Variants in FYB1 observed in about 807,000 individuals in gnomAD.
FYB1 encodes FYN-binding protein 1.
Under a neutral mutation model 94.1 loss-of-function variants are expected in FYB1, and 41 were observed. The observed-to-expected ratio is 0.44, with a 90% CI of 0.34 to 0.57. The LOEUF is 0.57. Ranked by LOEUF, FYB1 falls within the 20% of genes least tolerant of loss-of-function variation. FYB1 has a pLI of 0.02. For synonymous variants in FYB1, 367 were observed against 353.2 expected, an observed-to-expected ratio of 1.04 and a Z score of -0.44; for missense variants, 1,050 against 976.8, an observed-to-expected ratio of 1.07 and a Z score of -1.00.
At position 39,130,678 on chromosome 5, in the gene FYB1, C is replaced by T. The variant is rs1741112920; in HGVS notation, c.1818-66G>A. ...TACTTAGCTATGAGGAAGAGAAGTA[C>T]ATATCCTGATTAGTTATTCAAAAGA... On this transcript the variant is annotated intron_variant, in intron 9 of 18. Coordinates refer to ENST00000512982, the MANE Select transcript of FYB1 (RefSeq NM_001465.6). The T allele has an allele frequency of 7.5e-6, 9 of 1,201,864 alleles. No individual in the cohort carries two copies. In the East Asian group the frequency reaches 1.3e-4, roughly 17 times the overall value. The allele number at this position is 1,201,864 out of a possible 1,614,324, so 74.4% of individuals were successfully genotyped here. A position where few individuals can be genotyped will look rare whatever the true frequency, so the allele number is the denominator to read the frequency against.
intron 1 of FYB1, among the ~76,000 whole-genome samples, chr5:39,241,409 A>C (rs1440751954): frequency 6.6e-6 from 1 of 152,110 alleles, no homozygotes; most frequent in Non-Finnish European, 1.5e-5. Context: ...AGGGGGACAT[A>C]AGCTTCAGTT....
chr5:39,156,150 T>C (rs1201035981), intron 2 of FYB1, among the ~76,000 whole-genome samples: 2 of 152,140 alleles, frequency 1.3e-5, no homozygotes, highest in Admixed American at 1.3e-4. Flanking sequence ...GTTATAGAAA[T>C]GGTGTAGGGA....
upstream of FYB1, among the ~76,000 whole-genome samples, chr5:39,221,578 A>G (rs1480331388): frequency 1.3e-5 from 2 of 152,224 alleles, no homozygotes; most frequent in Non-Finnish European, 2.9e-5. Context: ...GGGGCAGAAG[A>G]GTTGAGGAAG....
In FYB1 at chr5:39,202,810, G is replaced by A. The variant is rs200817771; in HGVS notation, c.151C>T (p.Pro51Ser). ...NQGNASPPAG[P>S]SNVPKFGSPK... is the part of the protein sequence containing the mutation. ...GACCCAAACTTAGGTACATTGCTGG[G>A]TCCTGCAGGAGGGCTGGCATTTCCT... The change falls in exon 2 of 19, where the codon CCC (proline) becomes TCC (serine). Residue 51 changes from proline to serine, a missense_variant. Coordinates refer to ENST00000512982, the MANE Select transcript of FYB1 (RefSeq NM_001465.6). 2.9e-5 allele frequency: 46 copies of A among 1,613,990 alleles called. No homozygotes were observed. The African/African-American group carries it at 5.9e-4, about 21-fold the overall frequency.
intron 1 of FYB1, among the ~76,000 whole-genome samples, chr5:39,211,618 T>C (rs1175512963): frequency 6.6e-6 from 1 of 152,214 alleles, no homozygotes; most frequent in African/African-American, 2.4e-5. Context: ...CTATTTCTTA[T>C]GGTTGTTCTA....
Position 39,138,001 on chromosome 5 carries a change from C to A in FYB1, c.1395-281G>T, listed in dbSNP as rs368733128. On this transcript the variant is annotated intron_variant, in intron 6 of 18. Coordinates refer to ENST00000512982, the MANE Select transcript of FYB1 (RefSeq NM_001465.6). ...AGAGGCCCCATTCTTGCTGTATGTTCGCATAAATAGAATCCATCTCTTTTT... is the reference window on the plus strand; with the variant it reads ...AGAGGCCCCATTCTTGCTGTATGTTAGCATAAATAGAATCCATCTCTTTTT... The A allele has an allele frequency of 3.5e-3, 1,419 of 409,642 alleles. 25 individuals are homozygous for A. Among genetic ancestry groups the A allele is most frequent in the South Asian group, 0.022 (851 of 39,488 alleles). The allele number at this position is 409,642 out of a possible 1,614,324, so 25.4% of individuals were successfully genotyped here. A position where few individuals can be genotyped will look rare whatever the true frequency, so the allele number is the denominator to read the frequency against.
chr5:39,179,868 C>T (rs973556836), intron 2 of FYB1, among the ~76,000 whole-genome samples: 7 of 152,154 alleles, frequency 4.6e-5, no homozygotes, highest in African/African-American at 1.7e-4. Context: ...ATCCTCTTCC[C>T]TCACTTGCCT....
rs772894906 is a variant in FYB1 at position 39,119,554 on chromosome 5, T to G, written c.2219A>C (p.Asp740Ala). The change falls in exon 15 of 19, where the codon GAC (aspartate) becomes GCC (alanine). Residue 740 changes from aspartate (D) to alanine (A), a missense_variant. Transcript: ENST00000512982. Reference protein sequence around the residue: ...KLKKQEKEEKDFRKKFKYDGE... With the variant: ...KLKKQEKEEKAFRKKFKYDGE... ...ACATACTTTAAATTTTTTCCTGAAGTCTTTTTCTTCTTTTTCCTGCTTTTT... is the reference window on the plus strand; with the variant it reads ...ACATACTTTAAATTTTTTCCTGAAGGCTTTTTCTTCTTTTTCCTGCTTTTT... The G allele has an allele frequency of 6.5e-7, 1 of 1,543,052 alleles. No homozygotes were observed. The highest frequency in any genetic ancestry group is 8.7e-7 in the Non-Finnish European group (1 of 1,143,672).
At chr5:39,254,043 C>T (rs781677230) in intron 1 of FYB1, among the ~76,000 whole-genome samples, 2 of 152,120 alleles carry the variant, frequency 1.3e-5, no homozygotes, top group Non-Finnish European at 2.9e-5. Flanking sequence ...TTTATGGCTC[C>T]GTAGTAGTTC....
intron 1 of FYB1, among the ~76,000 whole-genome samples, chr5:39,226,803 A>G (rs934011991): frequency 6.6e-6 from 1 of 152,210 alleles, no homozygotes; most frequent in Non-Finnish European, 1.5e-5. Context: ...GCAAACTGCT[A>G]TTGTAACTAG....
At chr5:39,207,227 A>T (rs1748940599) in intron 1 of FYB1, among the ~76,000 whole-genome samples, 1 of 152,208 alleles carries the variant, frequency 6.6e-6, no homozygotes, top group South Asian at 2.1e-4. Context: ...GCAATTTGTT[A>T]TTATTTCTAC....
At chr5:39,123,859 A>G (rs1740365092) in intron 13 of FYB1, among the ~76,000 whole-genome samples, 2 of 152,210 alleles carry the variant, frequency 1.3e-5, no homozygotes, top group African/African-American at 4.8e-5. Flanking sequence ...CCATTTAAAT[A>G]TTCAAAGAAA....
At chr5:39,201,337 A>G (rs1460718799) in intron 2 of FYB1, among the ~76,000 whole-genome samples, 2 of 152,148 alleles carry the variant, frequency 1.3e-5, no homozygotes, top group African/African-American at 4.8e-5. Context: ...TCTACTCACT[A>G]GAGGCCAGTA....
At chr5:39,153,690 A>G in intron 2 of FYB1, 86 bp from the exon 3 acceptor site, 1 of 1,366,772 alleles carries the variant, frequency 7.3e-7, no homozygotes, top group South Asian at 1.4e-5. Context: ...GGCTACAGAT[A>G]AAATAATTTG....
At chr5:39,263,102 A>G (rs1752293284) in intron 1 of FYB1, among the ~76,000 whole-genome samples, 2 of 152,180 alleles carry the variant, frequency 1.3e-5, no homozygotes, top group Non-Finnish European at 2.9e-5. Context: ...ATAATAATTT[A>G]AAAAGAGAAG....
At chr5:39,224,613 C>T (rs1750396131) in intron 1 of FYB1, among the ~76,000 whole-genome samples, 1 of 152,156 alleles carries the variant, frequency 6.6e-6, no homozygotes, top group Admixed American at 6.5e-5. Context: ...TGCCCAAACA[C>T]ATTAGGATGA....
intron 1 of FYB1, among the ~76,000 whole-genome samples, chr5:39,257,309 T>C (rs1447736617): frequency 6.6e-6 from 1 of 152,178 alleles, no homozygotes; most frequent in Admixed American, 6.5e-5. Flanking sequence ...AAGTAGGACT[T>C]ATAAAGCAAA....
intron 1 of FYB1, among the ~76,000 whole-genome samples, chr5:39,257,648 AAGCTCCAGAAG>A (rs2111568335): frequency 6.6e-6 from 1 of 152,294 alleles, no homozygotes; most frequent in Admixed American, 6.5e-5. Flanking sequence ...CAAGGGAGTC[AAGCTCCAGAAG>A]AGATCACTTT....
chr5:39,174,891 A>T (rs900505631), intron 2 of FYB1, among the ~76,000 whole-genome samples: 2 of 152,250 alleles, frequency 1.3e-5, no homozygotes, highest in African/African-American at 4.8e-5. Flanking sequence ...CAAAGTCAAC[A>T]ACTAATAGAC....
Sources: allele counts gnomAD v4.1 joint callset (sites outside exome capture counted in the v4.1 genomes callset), GRCh38; gene constraint gnomAD v4.1.1; transcripts MANE v1.5; gene names NCBI Gene and HGNC (gene_info 2026-07-23, HGNC 2026-07-21).